CHLSN: variants seen among roughly 807,000 people sequenced by gnomAD.
CHLSN encodes the protein protein cholesin.
chr7:1,069,828 AG>A, the CHLSN span, among the ~76,000 whole-genome samples: 44 of 52,292 alleles, frequency 8.4e-4, 1 homozygote, highest in Non-Finnish European at 1.3e-3. Context: ...GGATGTGAGG[AG>A]CCCCTCTGCC....
the CHLSN span, among the ~76,000 whole-genome samples, chr7:1,108,895 A>AT: frequency 0.1 from 13,312 of 129,490 alleles, 851 homozygotes; most frequent in South Asian, 0.13. Flanking sequence ...TCTCCCAGGC[A>AT]TTTTTTTTTT....
At chr7:997,670 C>T in the CHLSN span, 16 of 1,610,120 alleles carry the variant, frequency 9.9e-6, no homozygotes, top group East Asian at 4.5e-5. Context: ...GGGCCCTCCC[C>T]GGCAGGGGGG....
At chr7:1,008,322 G>A in the CHLSN span, among the ~76,000 whole-genome samples, 1 of 152,178 alleles carries the variant, frequency 6.6e-6, no homozygotes, top group South Asian at 2.1e-4. Flanking sequence ...CTGACCCTGC[G>A]GTGGCTTGTG....
At chr7:1,028,382 G>A in the CHLSN span, 518 of 987,752 alleles carry the variant, frequency 5.2e-4, no homozygotes, top group Non-Finnish European at 5.9e-4. Flanking sequence ...ATGCCCGGCC[G>A]GCCCGGCGCG....
At chr7:1,028,271 G>A in the CHLSN span, 6 of 1,085,754 alleles carry the variant, frequency 5.5e-6, no homozygotes, top group Admixed American at 4.8e-5. Flanking sequence ...TGACCCGGCT[G>A]TCAGGTCCCG....
chr7:1,028,816 G>GT, the CHLSN span: 4 of 811,388 alleles, frequency 4.9e-6, no homozygotes, highest in Non-Finnish European at 5.7e-6. Context: ...CTGACTCCAT[G>GT]GCCCCCATCT....
the CHLSN span, among the ~76,000 whole-genome samples, chr7:1,049,396 T>C: frequency 6.6e-6 from 1 of 152,192 alleles, no homozygotes; most frequent in African/African-American, 2.4e-5. Context: ...CCCTCCTGTC[T>C]CATGAAGATT....
the CHLSN span, chr7:1,093,330 C>T: frequency 1.9e-5 from 8 of 422,282 alleles, no homozygotes; most frequent in Non-Finnish European, 3.0e-5. Context: ...CTGAGCTGGA[C>T]GTCGCGGTGT....
chr7:1,000,496 G>A, the CHLSN span: 2 of 1,608,170 alleles, frequency 1.2e-6, no homozygotes, highest in Admixed American at 1.7e-5. Context: ...ATGTGCAGCA[G>A]GAGCCACGTC....
chr7:1,084,291 G>A, the CHLSN span, among the ~76,000 whole-genome samples: 3 of 152,238 alleles, frequency 2.0e-5, no homozygotes, highest in Admixed American at 2.0e-4. Flanking sequence ...GGACGCCAGC[G>A]ATGCCCTCCC....
the CHLSN span, chr7:1,092,514 C>G: frequency 2.5e-4 from 396 of 1,608,046 alleles, 2 homozygotes; most frequent in African/African-American, 4.8e-3. Flanking sequence ...GCATGATCCT[C>G]GCGGTGGTGC....
chr7:1,039,370 T>G, the CHLSN span, among the ~76,000 whole-genome samples: 61 of 10,766 alleles, frequency 5.7e-3, no homozygotes, highest in Admixed American at 0.016. Flanking sequence ...GAGGTGGGGG[T>G]GTCAGCCCCC....
chr7:1,131,667 G>A, the CHLSN span, among the ~76,000 whole-genome samples: 6 of 152,228 alleles, frequency 3.9e-5, no homozygotes, highest in African/African-American at 1.4e-4. Context: ...AAGAGACCAT[G>A]CCAGCCAATT....
the CHLSN span, among the ~76,000 whole-genome samples, chr7:1,054,932 C>T: frequency 6.6e-6 from 1 of 152,246 alleles, no homozygotes; most frequent in African/African-American, 2.4e-5. Context: ...CGACAGTAGA[C>T]CCTTCTGTTG....
the CHLSN span, among the ~76,000 whole-genome samples, chr7:1,007,890 G>A: frequency 6.6e-6 from 1 of 152,246 alleles, no homozygotes; most frequent in Non-Finnish European, 1.5e-5. Context: ...GATCATGGGA[G>A]GGGAGTCAGG....
the CHLSN span, among the ~76,000 whole-genome samples, chr7:1,069,583 G>A: frequency 3.1e-4 from 41 of 131,048 alleles, no homozygotes; most frequent in African/African-American, 9.5e-4. Context: ...GCCCCTAACC[G>A]CGAGTGATCC....
chr7:1,099,053 G>T, the CHLSN span, among the ~76,000 whole-genome samples: 136 of 152,320 alleles, frequency 8.9e-4, no homozygotes, highest in African/African-American at 3.2e-3. Context: ...CCTGCAGCTG[G>T]CCTTCCTTTT....
At chr7:1,062,441 C>G in the CHLSN span, among the ~76,000 whole-genome samples, 3 of 152,222 alleles carry the variant, frequency 2.0e-5, no homozygotes, top group Non-Finnish European at 4.4e-5. Context: ...ATTCTGTCCA[C>G]CCAATCACCC....
chr7:1,109,298 A>C, the CHLSN span: 9 of 152,224 alleles, frequency 5.9e-5, no homozygotes, highest in African/African-American at 2.2e-4. Flanking sequence ...CATGACAAGC[A>C]TGTATTTGTT....
Sources: gnomAD v4.1 joint callset for allele counts (sites outside exome capture counted in the v4.1 genomes callset) on GRCh38, gnomAD v4.1.1 for gene constraint, MANE v1.5 for transcripts, NCBI Gene and HGNC (gene_info 2026-07-23, HGNC 2026-07-21) for gene names.